The following CCDC40 variants were observed in gnomAD, a reference collection of about 807,000 sequenced individuals.
The protein encoded by CCDC40 is coiled-coil domain-containing protein 40.
Under a neutral mutation model 124.5 loss-of-function variants are expected in CCDC40, and 104 were observed. The ratio of observed to expected loss-of-function variants is 0.84; its 90% CI spans 0.71 to 0.98. The LOEUF is 0.98. Ranked by LOEUF, CCDC40 falls within the 50% of genes least tolerant of loss-of-function variation. CCDC40 has a pLI of 0.00. For missense variants in CCDC40, 1,463 were observed against 1,503.9 expected (o/e 0.97, Z 0.45); for synonymous variants, 580 against 602.9 (o/e 0.96, Z 0.56).
chr17:80,096,140 G>C (rs529618495), intron 18 of CCDC40, among the ~76,000 whole-genome samples: 4 of 152,310 alleles, frequency 2.6e-5, no homozygotes, highest in African/African-American at 9.6e-5. Flanking sequence ...GCTGGGGGGT[G>C]GAGGGGCAGA....
In CCDC40 at chr17:80,036,685, C is replaced by T. The variant is rs751298635; in HGVS notation, c.23C>T (p.Ala8Val). MAEPGGA[A>V]GRSHPEDGSA... ...GAAATGGCGGAACCGGGCGGCGCGGCGGGCCGGTAAGCCGGGCCGAGGGGC... is the reference window on the plus strand; with the variant it reads ...GAAATGGCGGAACCGGGCGGCGCGGTGGGCCGGTAAGCCGGGCCGAGGGGC... The change falls in exon 1 of 20, where the codon GCG becomes GTG. Residue 8 changes from alanine (A) to valine (V), a missense_variant. Transcript: ENST00000397545. The T allele has an allele frequency of 6.9e-7, 1 of 1,459,508 alleles. No homozygotes were observed. Among genetic ancestry groups the T allele is most frequent in the South Asian group, 1.3e-5 (1 of 74,808 alleles). The allele number at this position is 1,459,508 out of a possible 1,614,324, so 90.4% of individuals were successfully genotyped here. A position where few individuals can be genotyped will look rare whatever the true frequency, so the allele number is the denominator to read the frequency against.
Position 80,058,981 on chromosome 17 carries a change from G to A in CCDC40, c.1440+1G>A. The A allele has an allele frequency of 6.2e-7, 1 of 1,614,192 alleles. No homozygotes were observed. The highest frequency in any genetic ancestry group is 1.3e-5 in the African/African-American group (1 of 75,056). Reference sequence around the variant, plus strand: ...GATTTTAAGGAAAGCAGTGAGTGAGGTAAAAGCAGTCCCCGCAGCTCTCAG... The same window carrying A: ...GATTTTAAGGAAAGCAGTGAGTGAGATAAAAGCAGTCCCCGCAGCTCTCAG... On this transcript the variant is annotated splice_donor_variant, in intron 9 of 19. Coordinates refer to ENST00000397545, the MANE Select transcript of CCDC40 (RefSeq NM_017950.4). LOFTEE classifies it high-confidence loss of function. The surrounding 1 kb of genome is among the most constrained non-coding windows in gnomAD (Gnocchi z 4.2).
chr17:80,089,182 T>A (rs1282211390), intron 16 of CCDC40, among the ~76,000 whole-genome samples: 1 of 152,220 alleles, frequency 6.6e-6, no homozygotes, highest in Non-Finnish European at 1.5e-5. Flanking sequence ...TGAAGCACTT[T>A]AGTATTTTCA....
intron 17 of CCDC40, among the ~76,000 whole-genome samples, chr17:80,093,048 C>G (rs919501457): frequency 1.3e-5 from 2 of 152,192 alleles, no homozygotes; most frequent in Non-Finnish European, 2.9e-5. Flanking sequence ...CCGTCCAGTC[C>G]TTGTTGAAAT....
Position 80,095,457 on chromosome 17 carries a change from G to A in CCDC40, c.3021+6G>A, listed in dbSNP as rs1397294707. 2 of 1,613,982 alleles carry A rather than the reference G, an allele frequency of 1.2e-6. No individual in the cohort carries two copies. Among genetic ancestry groups the A allele is most frequent in the Admixed American group, 1.7e-5 (1 of 60,012 alleles). On this transcript the variant is annotated splice_donor_region_variant and intron_variant, in intron 18 of 19. Transcript: ENST00000397545. Reference sequence around the variant, plus strand: ...AAATCAGGGACGTTCGCAAGGTAGGGAGCAGCGGAAAGGAAACAGGGCGCC... The same window carrying A: ...AAATCAGGGACGTTCGCAAGGTAGGAAGCAGCGGAAAGGAAACAGGGCGCC...
Position 80,066,267 on chromosome 17 carries a change from C to T in CCDC40, c.1562+661C>T, listed in dbSNP as rs974970332. ...AGCACAGAGCCTGGCATACAGCAAG[C>T]GCTCAAGAAAGGCTGGACCAAGGAA... On this transcript the variant is annotated intron_variant, in intron 10 of 19. Transcript: ENST00000397545. The surrounding 1 kb of genome is among the most constrained non-coding windows in gnomAD (Gnocchi z 4.4). 7.0e-5 allele frequency: 48 copies of T among 682,084 alleles called. No individual in the cohort carries two copies. Among genetic ancestry groups the T allele is most frequent in the South Asian group, 2.0e-4 (13 of 64,796 alleles). 42.3% of individuals were successfully genotyped at this position (682,084 alleles called of 1,614,324 possible).
chr17:80,099,941 A>C lies in CCDC40; in HGVS notation c.*166A>C. 2 of 724,364 alleles carry C rather than the reference A, an allele frequency of 2.8e-6. No homozygotes were observed. Among genetic ancestry groups the C allele is most frequent in the Admixed American group, 5.4e-5 (2 of 36,860 alleles). 44.9% of individuals were successfully genotyped at this position (724,364 alleles called of 1,614,324 possible). A position where few individuals can be genotyped will look rare whatever the true frequency, so the allele number is the denominator to read the frequency against. On this transcript the variant is annotated 3_prime_UTR_variant, in exon 20 of 20. Transcript: ENST00000397545. ...CCCACCCATAGGAATCTTTTTAGCCACTCAGCAATTTAATAAACCAGGTAA... is the reference window on the plus strand; with the variant it reads ...CCCACCCATAGGAATCTTTTTAGCCCCTCAGCAATTTAATAAACCAGGTAA...
intron 16 of CCDC40, among the ~76,000 whole-genome samples, chr17:80,088,910 C>T (rs960375074): frequency 2.6e-5 from 4 of 152,272 alleles, no homozygotes; most frequent in African/African-American, 9.6e-5. Context: ...AGTTCTTGAG[C>T]CAAACGAGTT....
At chr17:80,095,032 C>T (rs2038782417) in intron 17 of CCDC40, among the ~76,000 whole-genome samples, 1 of 152,266 alleles carries the variant, frequency 6.6e-6, no homozygotes, top group South Asian at 2.1e-4. Flanking sequence ...TTGGTGGCCT[C>T]AGGTCTCGGC....
intron 17 of CCDC40, among the ~76,000 whole-genome samples, chr17:80,092,930 G>A (rs969941691): frequency 1.3e-5 from 2 of 152,132 alleles, no homozygotes; most frequent in Admixed American, 1.3e-4. Flanking sequence ...GTTAATTTTT[G>A]TGTATGGTGC....
Position 80,058,429 on chromosome 17 carries a change from T to A in CCDC40, c.1160-65T>A. ...CCCTGCTTCCTCCTGGGTCTCTGCATGGGGGACGCTGGGACAGCCTCCCCA... is the reference window on the plus strand; with the variant it reads ...CCCTGCTTCCTCCTGGGTCTCTGCAAGGGGGACGCTGGGACAGCCTCCCCA... On this transcript the variant is annotated intron_variant, in intron 7 of 19. Coordinates refer to ENST00000397545, the MANE Select transcript of CCDC40 (RefSeq NM_017950.4). This position sits in a 1 kb window ranked among gnomAD's most constrained non-coding sequence, Gnocchi z 4.2. The A allele has an allele frequency of 6.7e-7, 1 of 1,493,792 alleles. No homozygotes were observed. Among genetic ancestry groups the A allele is most frequent in the Non-Finnish European group, 9.3e-7 (1 of 1,076,120 alleles). The allele number at this position is 1,493,792 out of a possible 1,614,324, so 92.5% of individuals were successfully genotyped here.
In CCDC40 at chr17:80,088,073, G is replaced by A. The variant is rs4889815; in HGVS notation, c.2682G>A (p.Ala894=). 0.011 allele frequency: 17,924 copies of A among 1,613,594 alleles called. 198 individuals carry two copies. The highest frequency in any genetic ancestry group is 0.049 in the East Asian group (2,212 of 44,866). Residue 894 remains alanine, a synonymous_variant, in exon 16 of 20, where the codon GCG becomes GCA. Transcript: ENST00000397545. ...TGAACCAGCTCAGCGAGGAGAAGGC[G>A]ACCCTCCTGAATCAACTGGTGGAAG... The part of the protein sequence containing the change: ...DKLNQLSEEK[A]TLLNQLVEAE...
intron 10 of CCDC40, among the ~76,000 whole-genome samples, chr17:80,072,312 G>C (rs1423730914): frequency 6.6e-6 from 1 of 152,076 alleles, no homozygotes; most frequent in Non-Finnish European, 1.5e-5. Flanking sequence ...TGCGTTACAG[G>C]ACATTTGAAA....
chr17:80,099,461 G>C, intron 19 of CCDC40, 66 bp from the exon 20 acceptor site: 1 of 1,570,732 alleles, frequency 6.4e-7, no homozygotes, highest in Admixed American at 1.7e-5. Flanking sequence ...CTGAGTTTGT[G>C]GGGGGCCAGC....
In CCDC40 at chr17:80,087,560, C is replaced by G; in HGVS notation, c.2450-47C>G. ...GACACTGCTGCCTGCGGGCGAGGACCCGTACCCTCCTGGGGTCTCTCCCTG... is the reference window on the plus strand; with the variant it reads ...GACACTGCTGCCTGCGGGCGAGGACGCGTACCCTCCTGGGGTCTCTCCCTG... On this transcript the variant is annotated intron_variant, in intron 14 of 19. Coordinates refer to ENST00000397545, the MANE Select transcript of CCDC40 (RefSeq NM_017950.4). This position sits in a 1 kb window ranked among gnomAD's most constrained non-coding sequence, Gnocchi z 4.5. The G allele has an allele frequency of 3.2e-6, 5 of 1,564,118 alleles. No individual in the cohort carries two copies. Among genetic ancestry groups the G allele is most frequent in the Non-Finnish European group, 4.4e-6 (5 of 1,135,998 alleles).
intron 7 of CCDC40, among the ~76,000 whole-genome samples, chr17:80,055,998 A>ATTTT (rs1568682555): frequency 7.5e-4 from 4 of 5,304 alleles, no homozygotes; most frequent in Non-Finnish European, 2.7e-3. Context: ...ATATATATAT[A>ATTTT]TATATATATA....
intron 17 of CCDC40, 154 bp downstream of exon 17, chr17:80,090,038 C>A (rs1003687083): frequency 7.8e-6 from 12 of 1,535,348 alleles, no homozygotes; most frequent in Non-Finnish European, 1.1e-5. Context: ...TTCCAGGGAG[C>A]GACCCGCTCC....
intron 17 of CCDC40, among the ~76,000 whole-genome samples, chr17:80,091,332 C>G (rs62075577): frequency 0.017 from 731 of 43,272 alleles, 4 homozygotes; most frequent in African/African-American, 0.037. Flanking sequence ...CACACACACA[C>G]ACACACACAC....
intron 17 of CCDC40, among the ~76,000 whole-genome samples, chr17:80,091,264 GT>G: frequency 6.6e-6 from 1 of 151,740 alleles, no homozygotes; most frequent in South Asian, 2.1e-4. Flanking sequence ...TAGACACAAT[GT>G]GTGTTAGGGT....
Sources: gnomAD v4.1 joint callset for allele counts (sites outside exome capture counted in the v4.1 genomes callset) on GRCh38, gnomAD v4.1.1 for gene constraint, Gnocchi (gnomAD v3.1) non-coding constraint, MANE v1.5 for transcripts, NCBI Gene and HGNC (gene_info 2026-07-23, HGNC 2026-07-21) for gene names.